The following CUL1 variants were observed in gnomAD, a reference collection of about 807,000 sequenced individuals.
The protein encoded by CUL1 is cullin-1.
A neutral mutation model predicts 118.0 loss-of-function variants in CUL1; 24 were observed. That is an observed-to-expected ratio of 0.20 (90% CI 0.15 to 0.29). The LOEUF (loss-of-function observed/expected upper bound fraction) is 0.29. CUL1 is among the 10% of genes least tolerant of loss of function. The pLI is 1.00. For synonymous variants in CUL1, 332 were observed against 340.4 expected, an observed-to-expected ratio of 0.98 and a Z score of 0.27; for missense variants, 361 against 933.8, an observed-to-expected ratio of 0.39 and a Z score of 7.99.
chr7:148,756,116 G>A (rs1008060621), intron 3 of CUL1, among the ~76,000 whole-genome samples: 9 of 152,184 alleles, frequency 5.9e-5, no homozygotes, highest in African/African-American at 1.9e-4. Context: ...ATAAAAATTT[G>A]TGACTCAAGT....
At chr7:148,784,164 A>G (rs1800744549) in intron 11 of CUL1, 87 bp downstream of exon 11, 1 of 1,061,438 alleles carries the variant, frequency 9.4e-7, no homozygotes, top group South Asian at 1.4e-5. Flanking sequence ...TACATTTTAC[A>G]TACATTAAAT....
At chr7:148,766,304 T>C (rs1015730329) in intron 7 of CUL1, among the ~76,000 whole-genome samples, 1 of 152,104 alleles carries the variant, frequency 6.6e-6, no homozygotes, top group African/African-American at 2.4e-5. Context: ...GCTAATTTTT[T>C]TTTTAGAGAC....
intron 1 of CUL1, among the ~76,000 whole-genome samples, chr7:148,711,424 A>G (rs1304738438): frequency 1.3e-5 from 2 of 152,208 alleles, no homozygotes; most frequent in Non-Finnish European, 2.9e-5. Context: ...CACGGGGGAC[A>G]TGTGTCAGGA....
intron 19 of CUL1, 45 bp from the exon 20 acceptor site, chr7:148,798,527 A>T (rs1318434389): frequency 1.4e-6 from 2 of 1,442,220 alleles, no homozygotes; most frequent in Non-Finnish European, 2.0e-6. Context: ...TTCACTGCCT[A>T]CCTTTTAATA....
At position 148,723,076 on chromosome 7, in the gene CUL1, A is replaced by AG. The variant is rs551138490; in HGVS notation, c.-161-6884dup. Among the ~76,000 whole-genome samples, 373 of 151,546 alleles carry AG rather than the reference A, an allele frequency of 2.5e-3. 1 individual carries two copies. The highest frequency in any genetic ancestry group is 8.6e-3 in the African/African-American group (353 of 40,816). ...GTTTAATCCTCACCACAAACCCATG[A>AG]GGTGGGTTAAGAGAGATGAAAGAAC... is the stretch of plus-strand genomic sequence containing the variant. On this transcript the variant is annotated intron_variant, in intron 1 of 21. Transcript: ENST00000325222.
intron 2 of CUL1, among the ~76,000 whole-genome samples, chr7:148,744,674 A>G (rs973002665): frequency 3.9e-5 from 6 of 152,206 alleles, no homozygotes; most frequent in Non-Finnish European, 7.4e-5. Flanking sequence ...TAAAGAATTA[A>G]GAAAAGTATA....
intron 2 of CUL1, among the ~76,000 whole-genome samples, chr7:148,753,394 A>G (rs530611214): frequency 1.4e-3 from 211 of 152,314 alleles, no homozygotes; most frequent in African/African-American, 5.0e-3. Context: ...CTGTTTTGCA[A>G]TCAGCTGTCT....
At chr7:148,727,419 A>G (rs1798622280) in intron 1 of CUL1, among the ~76,000 whole-genome samples, 1 of 152,230 alleles carries the variant, frequency 6.6e-6, no homozygotes, top group African/African-American at 2.4e-5. Flanking sequence ...TAAGACATAA[A>G]GCTTTTCAAT....
At chr7:148,755,790 AATT>A (rs1345025401) in intron 3 of CUL1, among the ~76,000 whole-genome samples, 1 of 152,208 alleles carries the variant, frequency 6.6e-6, no homozygotes, top group Non-Finnish European at 1.5e-5. Context: ...ATGAACAAAA[AATT>A]ATTTGTCTCA....
chr7:148,785,296 C>T (rs1388231422), intron 11 of CUL1, among the ~76,000 whole-genome samples: 3 of 152,012 alleles, frequency 2.0e-5, no homozygotes, highest in African/African-American at 4.8e-5. Flanking sequence ...TTTTAGGGGG[C>T]TGCATGTTAT....
intron 9 of CUL1, among the ~76,000 whole-genome samples, chr7:148,783,065 G>A (rs1467381024): frequency 2.0e-5 from 3 of 152,210 alleles, no homozygotes; most frequent in African/African-American, 7.2e-5. Context: ...TGGTGGCGGC[G>A]TGCGCTGCAT....
intron 1 of CUL1, among the ~76,000 whole-genome samples, chr7:148,709,441 A>G (rs1486198694): frequency 2.6e-5 from 4 of 152,234 alleles, no homozygotes; most frequent in East Asian, 3.8e-4. Context: ...AGTTTATTAT[A>G]TATGAGTTCT....
chr7:148,747,628 G>C (rs1178926853), intron 2 of CUL1, among the ~76,000 whole-genome samples: 1 of 152,174 alleles, frequency 6.6e-6, no homozygotes, highest in Non-Finnish European at 1.5e-5. Context: ...TACTCTCCCA[G>C]GAAGGCAACT....
intron 7 of CUL1, among the ~76,000 whole-genome samples, chr7:148,766,003 G>A (rs538745274): frequency 1.2e-4 from 19 of 152,320 alleles, no homozygotes; most frequent in South Asian, 2.1e-4. Flanking sequence ...TGTTAATAAC[G>A]ATGATGTTGT....
At chr7:148,759,905 GAT>G (rs1799782290) in intron 6 of CUL1, among the ~76,000 whole-genome samples, 1 of 152,056 alleles carries the variant, frequency 6.6e-6, no homozygotes, top group Admixed American at 6.6e-5. Flanking sequence ...TGAATTACTG[GAT>G]ATGTTAGAGT....
At chr7:148,780,124 TA>T in intron 9 of CUL1, among the ~76,000 whole-genome samples, 1 of 152,272 alleles carries the variant, frequency 6.6e-6, no homozygotes, top group South Asian at 2.1e-4. Flanking sequence ...TATATATATA[TA>T]TCTCCTGTTA....
At chr7:148,753,179 T>C (rs1799547301) in intron 2 of CUL1, among the ~76,000 whole-genome samples, 1 of 148,156 alleles carries the variant, frequency 6.7e-6, no homozygotes, top group Non-Finnish European at 1.5e-5. Context: ...AGTATCTTTA[T>C]ATAGTAAATT....
At chr7:148,736,007 TAA>T (rs60787796) in intron 2 of CUL1, among the ~76,000 whole-genome samples, 1,446 of 132,706 alleles carry the variant, frequency 0.011, 11 homozygotes, top group South Asian at 0.024. Flanking sequence ...ACCTTGTCTT[TAA>T]AAAAAAAAAA....
At chr7:148,754,319 T>A (rs1799588439) in intron 3 of CUL1, among the ~76,000 whole-genome samples, 169 bp downstream of exon 3, 1 of 152,218 alleles carries the variant, frequency 6.6e-6, no homozygotes, top group South Asian at 2.1e-4. Flanking sequence ...GAATATGAAA[T>A]CACCATAAAC....
Sources: gnomAD v4.1 joint callset for allele counts (sites outside exome capture counted in the v4.1 genomes callset) on GRCh38, gnomAD v4.1.1 for gene constraint, MANE v1.5 for transcripts, NCBI Gene and HGNC (gene_info 2026-07-23, HGNC 2026-07-21) for gene names.